Variants in CRB1 observed in about 807,000 individuals in gnomAD.
CRB1 encodes protein crumbs homolog 1.
Under a neutral mutation model 120.0 loss-of-function variants are expected in CRB1, and 83 were observed. The observed-to-expected ratio is 0.69, with a 90% confidence interval of 0.58 to 0.83. CRB1 has a LOEUF of 0.83. CRB1 is among the 40% of genes least tolerant of loss of function. The probability of loss-of-function intolerance (pLI) is 0.00; values close to 1 mark genes in which losing one functional copy is unlikely to be tolerated. For missense variants in CRB1, 1,699 were observed against 1,687.6 expected (o/e 1.01, Z -0.12); for synonymous variants, 625 against 612.5 (o/e 1.02, Z -0.30).
intron 4 of CRB1, among the ~76,000 whole-genome samples, chr1:197,350,086 G>A (rs1232339185): frequency 2.1e-5 from 3 of 143,308 alleles, no homozygotes; most frequent in Non-Finnish European, 4.5e-5. Context: ...CGGCCTGGGC[G>A]ACAGAGCGAG....
At position 197,347,482 on chromosome 1, in the gene CRB1, G is replaced by A. The variant is rs759795345; in HGVS notation, c.988+3G>A. On this transcript the variant is annotated splice_donor_region_variant and intron_variant, in intron 4 of 11. Transcript: ENST00000367400. The stretch of plus-strand genomic sequence containing the variant: ...TTACACTTGTCACTGCTGGCCTGGT[G>A]AGTGACAAAATACCTTCCACCAATT... The A allele has an allele frequency of 1.2e-6, 2 of 1,613,970 alleles. No homozygotes were observed. The highest frequency in any genetic ancestry group is 2.2e-5 in the East Asian group (1 of 44,880).
chr1:197,277,451 A>G (rs920796938), intron 1 of CRB1, among the ~76,000 whole-genome samples: 1 of 152,014 alleles, frequency 6.6e-6, no homozygotes, highest in African/African-American at 2.4e-5. Context: ...TTGCACAGAG[A>G]CCAGCTCTGT....
intron 4 of CRB1, among the ~76,000 whole-genome samples, chr1:197,347,886 T>C (rs1449436842): frequency 6.6e-6 from 1 of 152,228 alleles, no homozygotes; most frequent in Non-Finnish European, 1.5e-5. Flanking sequence ...TAAAGAGTTA[T>C]ATTTGTTAAT....
intron 5 of CRB1, among the ~76,000 whole-genome samples, chr1:197,399,826 A>G (rs1662971583): frequency 6.6e-6 from 1 of 151,670 alleles, no homozygotes; most frequent in African/African-American, 2.4e-5. Flanking sequence ...TGAGGATCTC[A>G]GTTTCTTGGT....
At chr1:197,230,305 G>T in the CRB1 span, among the ~76,000 whole-genome samples, 3 of 152,114 alleles carry the variant, frequency 2.0e-5, no homozygotes, top group African/African-American at 7.2e-5. Flanking sequence ...AATATTTTTT[G>T]ATCTGTACTA....
intron 8 of CRB1, among the ~76,000 whole-genome samples, chr1:197,433,179 A>G (rs1319442560): frequency 6.6e-6 from 1 of 151,826 alleles, no homozygotes; most frequent in Non-Finnish European, 1.5e-5. Context: ...TATACCCACA[A>G]CTGGCTCAGA....
At chr1:197,229,852 G>A in the CRB1 span, among the ~76,000 whole-genome samples, 1 of 151,392 alleles carries the variant, frequency 6.6e-6, no homozygotes. Flanking sequence ...CAGGGTTTGG[G>A]GCAAAAATAA....
intron 1 of CRB1, among the ~76,000 whole-genome samples, chr1:197,327,471 C>G (rs560529375): frequency 2.0e-5 from 3 of 152,224 alleles, no homozygotes; most frequent in Non-Finnish European, 2.9e-5. Context: ...CATAATGAAA[C>G]AAAATTACCA....
At chr1:197,344,839 C>T (rs1412406019) in intron 3 of CRB1, among the ~76,000 whole-genome samples, 7 of 152,128 alleles carry the variant, frequency 4.6e-5, no homozygotes, top group African/African-American at 1.7e-4. Flanking sequence ...GGATATAAAT[C>T]AGATGACAGC....
At position 197,442,286 on chromosome 1, in the gene CRB1, G is replaced by GGTGGAC. The variant is rs766854246; in HGVS notation, c.4002_4005+2dup. ...TTGCCTTTGCTGGCGAGCGCTGCGA[G>GGTGGAC]GTGGACGTAAGCAGCCTCTCCTTTT... On this transcript the variant is annotated inframe_insertion, in exon 11 of 12. Transcript: ENST00000367400. 3 of 1,614,180 alleles carry GGTGGAC rather than the reference G, an allele frequency of 1.9e-6. No individual in the cohort carries two copies. The highest frequency in any genetic ancestry group is 2.2e-5 in the South Asian group (2 of 91,082).
rs574721338 is a variant in CRB1, at chr1:197,405,933, T to C, written c.1172-15067T>C. 5.4e-4 allele frequency among the ~76,000 whole-genome samples: 79 copies of C among 145,468 alleles called. No homozygotes were observed. In the East Asian group the frequency reaches 9.3e-3, roughly 17 times the overall value. On this transcript the variant is annotated intron_variant, in intron 5 of 11. Coordinates refer to ENST00000367400, the MANE Select transcript of CRB1 (RefSeq NM_201253.3). ...GGGTCAGCCCCCGCCAGGCCAGCCG[T>C]CCCGTCCGGGAGGGAGGTGGGGGGG...
At chr1:197,351,187 C>CAAAAAAAAA (rs780090689) in intron 4 of CRB1, among the ~76,000 whole-genome samples, 546 of 85,014 alleles carry the variant, frequency 6.4e-3, no homozygotes, top group Non-Finnish European at 7.4e-3. Flanking sequence ...ACTAAAAATA[C>CAAAAAAAAA]AAAAAAAAAA....
intron 6 of CRB1, 88 bp from the exon 7 acceptor site, chr1:197,427,366 G>A (rs943448540): frequency 3.0e-5 from 31 of 1,041,502 alleles, no homozygotes; most frequent in Non-Finnish European, 4.5e-5. Flanking sequence ...TGTGTGAAAT[G>A]TATAATTTTC....
At chr1:197,402,489 G>T (rs555766244) in intron 5 of CRB1, among the ~76,000 whole-genome samples, 2 of 152,072 alleles carry the variant, frequency 1.3e-5, no homozygotes, top group South Asian at 2.1e-4. Context: ...GATGTATGTC[G>T]TTTAAAATTA....
intron 2 of CRB1, among the ~76,000 whole-genome samples, chr1:197,337,611 C>T (rs1453448629): frequency 6.6e-6 from 1 of 152,130 alleles, no homozygotes; most frequent in Non-Finnish European, 1.5e-5. Flanking sequence ...AACATTGCTA[C>T]TAATGAATAC....
At chr1:197,293,901 C>T (rs963971523) in intron 1 of CRB1, among the ~76,000 whole-genome samples, 1 of 152,072 alleles carries the variant, frequency 6.6e-6, no homozygotes, top group African/African-American at 2.4e-5. Flanking sequence ...ACACCTTATA[C>T]AAAAATTAAT....
At chr1:197,476,778 GTTTAC>G in intron 11 of CRB1, among the ~76,000 whole-genome samples, 1 of 152,042 alleles carries the variant, frequency 6.6e-6, no homozygotes, top group Non-Finnish European at 1.5e-5. Context: ...AGGTAAAAGA[GTTTAC>G]TACTGATTTA....
chr1:197,335,642 G>C (rs1017864467), intron 2 of CRB1, among the ~76,000 whole-genome samples: 11 of 152,092 alleles, frequency 7.2e-5, no homozygotes, highest in Non-Finnish European at 7.4e-5. Context: ...GGGAGTACAG[G>C]AGCGTGCCAC....
At chr1:197,430,402 T>C (rs1017880526) in intron 8 of CRB1, among the ~76,000 whole-genome samples, 1 of 152,204 alleles carries the variant, frequency 6.6e-6, no homozygotes, top group Non-Finnish European at 1.5e-5. Context: ...AATTTTTCCA[T>C]CATTACAAAA....
Sources: allele counts gnomAD v4.1 joint callset (sites outside exome capture counted in the v4.1 genomes callset), GRCh38; gene constraint gnomAD v4.1.1; transcripts MANE v1.5; gene names NCBI Gene and HGNC (gene_info 2026-07-23, HGNC 2026-07-21).